The following ERLIN1 variants were observed in gnomAD, a reference collection of about 807,000 sequenced individuals.
ERLIN1 encodes the protein ER lipid raft associated 1.
In ERLIN1, 24 loss-of-function variants were observed where a neutral mutation model predicts 46.9. The ratio of observed to expected loss-of-function variants is 0.51; its 90% CI spans 0.37 to 0.72. The LOEUF is 0.72. Among genes scored for constraint, ERLIN1 ranks in the 30% least tolerant of loss-of-function variants. ERLIN1 has a pLI of 0.00. For synonymous variants in ERLIN1, 158 were observed against 143.2 expected (o/e 1.10, Z -0.74); for missense variants, 293 against 417.9 (o/e 0.70, Z 2.61).
chr10:100,167,907 T>C (rs1412143552), intron 6 of ERLIN1, among the ~76,000 whole-genome samples: 1 of 152,220 alleles, frequency 6.6e-6, no homozygotes, highest in Non-Finnish European at 1.5e-5. Context: ...TGCAATCACT[T>C]GGTATTTGCT....
chr10:100,178,036 T>A, intron 4 of ERLIN1, 97 bp downstream of exon 4: 1 of 806,420 alleles, frequency 1.2e-6, no homozygotes, highest in Non-Finnish European at 2.0e-6. Context: ...AATGAAGTCA[T>A]AAAACTTTCA....
chr10:100,167,454 T>C (rs1276674355), intron 6 of ERLIN1, 48 bp from the exon 7 acceptor site: 2 of 1,472,776 alleles, frequency 1.4e-6, no homozygotes, highest in African/African-American at 2.8e-5. Context: ...AAGATAAATC[T>C]TCAAATTAAA....
chr10:100,184,568 G>A (rs4919431), intron 1 of ERLIN1, among the ~76,000 whole-genome samples: 37,533 of 152,068 alleles, frequency 0.25, 8,211 homozygotes, highest in African/African-American at 0.58. Flanking sequence ...ACATTTGCAA[G>A]GTCATAATAA....
rs1381578905 is a variant in ERLIN1, at chr10:100,185,783, G to A, written c.-157C>T. ...CCCTGTCCCCTCATTCTTCCCTTCT[G>A]GCTGAGCCCGCTGACCCCTTGCCAA... On this transcript the variant is annotated 5_prime_UTR_variant, in exon 1 of 11. Transcript: ENST00000421367. 4.8e-6 allele frequency: 3 copies of A among 627,104 alleles called. No homozygotes were observed. The highest frequency in any genetic ancestry group is 8.6e-6 in the Non-Finnish European group (3 of 350,828). 38.8% of individuals were successfully genotyped at this position (627,104 alleles called of 1,614,324 possible). A position where few individuals can be genotyped will look rare whatever the true frequency, so the allele number is the denominator to read the frequency against.
chr10:100,179,837 C>T (rs1589555269), intron 2 of ERLIN1, among the ~76,000 whole-genome samples: 1 of 152,180 alleles, frequency 6.6e-6, no homozygotes, highest in Admixed American at 6.5e-5. Context: ...CTTCCAGAGT[C>T]CCTTACCTGC....
intron 10 of ERLIN1, among the ~76,000 whole-genome samples, chr10:100,153,558 T>C (rs1842915720): frequency 6.6e-6 from 1 of 152,226 alleles, no homozygotes. Context: ...ATTTATTTTC[T>C]ACACTTTGAC....
At chr10:100,155,056 T>G (rs1843000071) in intron 9 of ERLIN1, 117 bp from the exon 10 acceptor site, 1 of 839,800 alleles carries the variant, frequency 1.2e-6, no homozygotes, top group Non-Finnish European at 1.9e-6. Flanking sequence ...AAAAACCTAT[T>G]AGCAGTTTTC....
chr10:100,178,121 T>C lies in ERLIN1; in HGVS notation c.304+12A>G, dbSNP rs1337678384. On this transcript the variant is annotated intron_variant, in intron 4 of 10. Transcript: ENST00000421367. ...TATAACTATAAAAACCACAGGTAGA[T>C]GGGTAACATACCTGCATAAGGAGCC... 3.2e-6 allele frequency: 5 copies of C among 1,544,944 alleles called. No homozygotes were observed. The highest frequency in any genetic ancestry group is 2.3e-5 in the East Asian group (1 of 43,234).
chr10:100,169,619 A>AT (rs1589536147), intron 6 of ERLIN1, among the ~76,000 whole-genome samples: 1 of 145,688 alleles, frequency 6.9e-6, no homozygotes, highest in Admixed American at 6.7e-5. Flanking sequence ...TTCCTCAATG[A>AT]TTAAAAAAAA....
intron 7 of ERLIN1, 97 bp downstream of exon 7, chr10:100,167,251 C>A (rs1423331198): frequency 5.7e-6 from 5 of 874,074 alleles, no homozygotes; most frequent in Non-Finnish European, 7.6e-6. Context: ...CATACTCCAC[C>A]CCAGAGTGTA....
In ERLIN1 at chr10:100,150,335, T is replaced by A. The variant is rs187410345; in HGVS notation, c.*1796A>T. 6.5e-6 allele frequency: 1 copy of A among 152,698 alleles called. No homozygotes were observed. Among genetic ancestry groups the A allele is most frequent in the Non-Finnish European group, 1.5e-5 (1 of 68,024 alleles). The allele number at this position is 152,698 out of a possible 1,614,324, so 9.5% of individuals were successfully genotyped here. ...CAGCCCCGCCTCCAGGGCCATCACTTTGGGGCAACAGCTTTTGCTCATGTA... is the reference window on the plus strand; with the variant it reads ...CAGCCCCGCCTCCAGGGCCATCACTATGGGGCAACAGCTTTTGCTCATGTA... On this transcript the variant is annotated 3_prime_UTR_variant, in exon 11 of 11. Transcript: ENST00000421367.
chr10:100,172,967 A>C (rs1279897408), intron 6 of ERLIN1, among the ~76,000 whole-genome samples: 1 of 152,178 alleles, frequency 6.6e-6, no homozygotes, highest in Non-Finnish European at 1.5e-5. Flanking sequence ...TCCAGCTACA[A>C]CTGACTTGAA....
chr10:100,175,917 T>A (rs752962417), intron 5 of ERLIN1, 28 bp downstream of exon 5: 3 of 1,605,980 alleles, frequency 1.9e-6, no homozygotes, highest in South Asian at 2.2e-5. Flanking sequence ...AATTGGCTAT[T>A]TACATACATA....
intron 7 of ERLIN1, among the ~76,000 whole-genome samples, chr10:100,164,868 T>TA (rs1050263340): frequency 2.8e-3 from 408 of 143,198 alleles, no homozygotes; most frequent in Middle Eastern, 7.1e-3. Context: ...TAAAATACCT[T>TA]AAAAAAAAAA....
intron 8 of ERLIN1, among the ~76,000 whole-genome samples, chr10:100,158,490 G>C (rs1843188528): frequency 6.6e-6 from 1 of 151,616 alleles, no homozygotes; most frequent in African/African-American, 2.4e-5. Flanking sequence ...AGCATTTTCA[G>C]ACCAAGGAGG....
chr10:100,152,412 C>T (rs1390219609), intron 10 of ERLIN1, 60 bp from the exon 11 acceptor site: 1 of 945,496 alleles, frequency 1.1e-6, no homozygotes, highest in Non-Finnish European at 1.8e-6. Flanking sequence ...AGTCTTCTCT[C>T]TCCCTATATA....
intron 7 of ERLIN1, among the ~76,000 whole-genome samples, chr10:100,165,020 A>G (rs1422123261): frequency 1.3e-5 from 2 of 152,196 alleles, no homozygotes; most frequent in African/African-American, 4.8e-5. Flanking sequence ...TCTGGTCCCA[A>G]GCATTTCGGA....
chr10:100,164,131 TCTC>T (rs1383144643), intron 7 of ERLIN1, 36 bp from the exon 8 acceptor site: 4 of 1,407,296 alleles, frequency 2.8e-6, no homozygotes, highest in Admixed American at 3.6e-5. Context: ...TAGAAATGAT[TCTC>T]CTATGTGCAG....
At chr10:100,184,095 A>G (rs1844821420) in intron 1 of ERLIN1, among the ~76,000 whole-genome samples, 1 of 152,228 alleles carries the variant, frequency 6.6e-6, no homozygotes, top group South Asian at 2.1e-4. Flanking sequence ...GCACTGCTCT[A>G]AGGTTCAAAG....
Sources: gnomAD v4.1 joint callset for allele counts (sites outside exome capture counted in the v4.1 genomes callset) on GRCh38, gnomAD v4.1.1 for gene constraint, MANE v1.5 for transcripts, NCBI Gene and HGNC (gene_info 2026-07-23, HGNC 2026-07-21) for gene names.